PI4KB: variants seen among roughly 807,000 people sequenced by gnomAD.
The protein encoded by PI4KB is PtdIns 4-kinase beta.
Under a neutral mutation model 81.4 loss-of-function variants are expected in PI4KB, and 23 were observed. The observed-to-expected ratio is 0.28, with a 90% confidence interval of 0.20 to 0.40. The LOEUF (loss-of-function observed/expected upper bound fraction) is 0.40, where lower values mean the gene tolerates loss of function less well. PI4KB is among the 10% of genes least tolerant of loss of function. PI4KB has a pLI of 1.00. For synonymous variants in PI4KB, 381 were observed against 406.8 expected (o/e 0.94, Z 0.76); for missense variants, 651 against 1,036.6 (o/e 0.63, Z 5.11).
At chr1:151,303,322 G>A in intron 6 of PI4KB, 1 of 498,232 alleles carries the variant, frequency 2.0e-6, no homozygotes, top group Non-Finnish European at 3.7e-6. Context: ...CATCCCTTTG[G>A]AGTCTTTTTA....
chr1:151,313,559 A>G (rs1470735030), intron 2 of PI4KB, among the ~76,000 whole-genome samples: 1 of 152,190 alleles, frequency 6.6e-6, no homozygotes, highest in Non-Finnish European at 1.5e-5. Flanking sequence ...CCAGCTGCTC[A>G]CCCTCTGCTA....
In PI4KB at chr1:151,292,995, G is replaced by T; in HGVS notation, c.2308C>A (p.Arg770=). The T allele has an allele frequency of 6.2e-7, 1 of 1,614,156 alleles. No individual in the cohort carries two copies. The highest frequency in any genetic ancestry group is 8.5e-7 in the Non-Finnish European group (1 of 1,180,016). ...ATGTGGAACCTCTCTTTGAGGTTTCGAATGGTGCTGGAGCCATGGAAGCAA... is the reference window on the plus strand; with the variant it reads ...ATGTGGAACCTCTCTTTGAGGTTTCTAATGGTGCTGGAGCCATGGAAGCAA... The part of the protein sequence containing the change: ...LPCFHGSSTI[R]NLKERFHMSM... The change falls in exon 12 of 12, where the codon CGA becomes AGA. Residue 770 remains arginine (R), a synonymous_variant. Coordinates refer to ENST00000368873, the MANE Select transcript of PI4KB (RefSeq NM_001369623.2).
At chr1:151,295,648 T>C (rs753691497) in intron 9 of PI4KB, among the ~76,000 whole-genome samples, 2 of 152,258 alleles carry the variant, frequency 1.3e-5, no homozygotes, top group African/African-American at 2.4e-5. Flanking sequence ...GCCTCATTCA[T>C]TGTTGCCACT....
intron 5 of PI4KB, among the ~76,000 whole-genome samples, chr1:151,304,635 G>A (rs769307214): frequency 3.9e-4 from 58 of 150,216 alleles, no homozygotes; most frequent in Non-Finnish European, 7.1e-4. Flanking sequence ...GTGAGCCACC[G>A]CGCCTGGCCC....
At chr1:151,317,102 G>A (rs1648078179) in intron 1 of PI4KB, among the ~76,000 whole-genome samples, 1 of 151,772 alleles carries the variant, frequency 6.6e-6, no homozygotes, top group Admixed American at 6.6e-5. Context: ...TGGGATTACA[G>A]GCGTGAGCCA....
chr1:151,315,868 C>T lies in PI4KB; in HGVS notation c.614G>A (p.Ser205Asn). 6.2e-7 allele frequency: 1 copy of T among 1,614,068 alleles called. No homozygotes were observed. The highest frequency in any genetic ancestry group is 8.5e-7 in the Non-Finnish European group (1 of 1,179,992). Reference protein sequence around the residue: ...KPYIVHRCRQSINFSLQCALL... With the variant: ...KPYIVHRCRQNINFSLQCALL... ...GGCACACTGGAGGGAAAAGTTAATG[C>T]TCTGGCGGCAACGGTGGACTATGTA... The change falls in exon 2 of 12, where the codon AGC (serine) becomes AAC (asparagine). Residue 205 changes from serine to asparagine, a missense_variant. Coordinates refer to ENST00000368873, the MANE Select transcript of PI4KB (RefSeq NM_001369623.2).
intron 1 of PI4KB, 55 bp downstream of exon 1, chr1:151,327,216 A>ACGGGGCCCCCCCCCCCCCC: frequency 9.6e-6 from 1 of 103,988 alleles, no homozygotes; most frequent in Non-Finnish European, 1.8e-5. Flanking sequence ...TGGGAGAGGG[A>ACGGGGCCCCCCCCCCCCCC]CCCCCCCCCC....
Position 151,302,227 on chromosome 1 carries a change from A to G in PI4KB, c.1592T>C (p.Val531Ala). 6.2e-7 allele frequency: 1 copy of G among 1,614,172 alleles called. No individual in the cohort carries two copies. ...CTCCTGCCAGGGCTCTTTGAGAGCAACTGCAGAAGGATCTTCTGGGTCTCG... is the reference window on the plus strand; with the variant it reads ...CTCCTGCCAGGGCTCTTTGAGAGCAGCTGCAGAAGGATCTTCTGGGTCTCG... ...FKRDPEDPSA[V>A]ALKEPWQEKV... The change falls in exon 7 of 12, where the codon GTT (valine) becomes GCT (alanine). Residue 531 changes from valine to alanine, a missense_variant. Val to Ala is a moderately conservative substitution (Grantham distance 64). Around this residue, in one of 5 missense-constraint regions of PI4KB, gnomAD observed 246 missense variants for 430.1 expected, o/e 0.57. Coordinates refer to ENST00000368873, the MANE Select transcript of PI4KB (RefSeq NM_001369623.2).
At chr1:151,314,075 T>C (rs190322606) in intron 2 of PI4KB, among the ~76,000 whole-genome samples, 10 of 152,372 alleles carry the variant, frequency 6.6e-5, no homozygotes, top group Admixed American at 3.3e-4. Context: ...AGCTTTACCA[T>C]TATTAAACTA....
chr1:151,306,390 C>T, intron 4 of PI4KB, 27 bp from the exon 5 acceptor site: 1 of 1,450,986 alleles, frequency 6.9e-7, no homozygotes, highest in Non-Finnish European at 9.7e-7. Flanking sequence ...ACAGTATTTG[C>T]AACTTACTTC....
intron 1 of PI4KB, among the ~76,000 whole-genome samples, chr1:151,321,404 G>C (rs1648821984): frequency 6.6e-6 from 1 of 151,988 alleles, no homozygotes; most frequent in African/African-American, 2.4e-5. Context: ...TTTTGAGACA[G>C]AGTCTTGCTC....
At position 151,292,535 on chromosome 1, in the gene PI4KB, G is replaced by C. The variant is rs1694377584; in HGVS notation, c.*317C>G. 1 of 292,880 alleles carries C rather than the reference G, an allele frequency of 3.4e-6. No individual in the cohort carries two copies. Among genetic ancestry groups the C allele is most frequent in the South Asian group, 5.0e-5 (1 of 20,180 alleles). 18.1% of individuals were successfully genotyped at this position (292,880 alleles called of 1,614,324 possible). A position where few individuals can be genotyped will look rare whatever the true frequency, so the allele number is the denominator to read the frequency against. On this transcript the variant is annotated 3_prime_UTR_variant, in exon 12 of 12. Coordinates refer to ENST00000368873, the MANE Select transcript of PI4KB (RefSeq NM_001369623.2). ...AACCTCTGAGAGACCCCTACAAGGA[G>C]AAGAAAGGCCCCAGTGTCCCTCACA...
At chr1:151,295,307 G>A (rs1694692571) in intron 9 of PI4KB, among the ~76,000 whole-genome samples, 1 of 152,234 alleles carries the variant, frequency 6.6e-6, no homozygotes, top group South Asian at 2.1e-4. Flanking sequence ...CTGATGGTCT[G>A]AGGGCCACCT....
At chr1:151,324,757 TG>T in intron 1 of PI4KB, 1 of 985,404 alleles carries the variant, frequency 1.0e-6, no homozygotes, top group Non-Finnish European at 1.2e-6. Flanking sequence ...CTCTCTGAAT[TG>T]TTCCTCCCTA....
chr1:151,317,064 A>G (rs1557810796), intron 1 of PI4KB, among the ~76,000 whole-genome samples: 1 of 151,264 alleles, frequency 6.6e-6, no homozygotes, highest in African/African-American at 2.4e-5. Flanking sequence ...CAACCTCATG[A>G]TCCACCCACC....
chr1:151,301,867 A>G lies in PI4KB; in HGVS notation c.1726T>C (p.Phe576Leu). Residue 576 changes from phenylalanine (F) to leucine (L), a missense_variant, in exon 8 of 12, where the codon TTT becomes CTT. Phe to Leu is a conservative substitution (Grantham distance 22, BLOSUM62 0). Around this residue, in one of 5 missense-constraint regions of PI4KB, gnomAD observed 246 missense variants for 430.1 expected, o/e 0.57. Coordinates refer to ENST00000368873, the MANE Select transcript of PI4KB (RefSeq NM_001369623.2). ...ACCTGCAGTTGCTTCAACACCTGAA[A>G]GGCCAGAAGCTCTTGCCGAAGGTCA... ...GDDLRQELLAFQVLKQLQSIW... is the reference protein window; with the variant it reads ...GDDLRQELLALQVLKQLQSIW... The G allele has an allele frequency of 6.2e-7, 1 of 1,614,112 alleles. No homozygotes were observed. The highest frequency in any genetic ancestry group is 8.5e-7 in the Non-Finnish European group (1 of 1,180,016).
intron 1 of PI4KB, among the ~76,000 whole-genome samples, chr1:151,326,998 G>T (rs1481180742): frequency 6.6e-6 from 1 of 152,144 alleles, no homozygotes; most frequent in South Asian, 2.1e-4. Flanking sequence ...TTAAAAAAAA[G>T]AATTATTCGA....
At chr1:151,304,705 G>C (rs1695601722) in intron 5 of PI4KB, among the ~76,000 whole-genome samples, 4 of 150,670 alleles carry the variant, frequency 2.7e-5, no homozygotes, top group African/African-American at 9.8e-5. Flanking sequence ...ACCCAGGCTG[G>C]AGTGCAGTGC....
chr1:151,327,252 T>A lies in PI4KB; in HGVS notation c.-29+19A>T. On this transcript the variant is annotated intron_variant, in intron 1 of 11. Coordinates refer to ENST00000368873, the MANE Select transcript of PI4KB (RefSeq NM_001369623.2). ...CACCCAACAGGGCAAAGGTGACTCA[T>A]GAAGGAGGAGTAGCTTACCTCTGGG... is the stretch of plus-strand genomic sequence containing the variant. 8.8e-6 allele frequency: 1 copy of A among 113,178 alleles called. No homozygotes were observed. Among genetic ancestry groups the A allele is most frequent in the Non-Finnish European group, 1.6e-5 (1 of 61,748 alleles). The allele number at this position is 113,178 out of a possible 1,614,324, so 7.0% of individuals were successfully genotyped here.
Sources: allele counts gnomAD v4.1 joint callset (sites outside exome capture counted in the v4.1 genomes callset), GRCh38; gene constraint gnomAD v4.1.1; regional missense constraint gnomAD v4.1.1; transcripts MANE v1.5; gene names NCBI Gene and HGNC (gene_info 2026-07-23, HGNC 2026-07-21).